Variants in KCNB2 observed in about 807,000 individuals in gnomAD.
The protein encoded by KCNB2 is delayed rectifier potassium channel protein.
A neutral mutation model predicts 61.5 loss-of-function variants in KCNB2; 15 were observed. That is an observed-to-expected ratio of 0.24 (90% confidence interval 0.16 to 0.38). KCNB2 has a LOEUF of 0.38. Among genes scored for constraint, KCNB2 ranks in the 10% least tolerant of loss-of-function variants. KCNB2 has a pLI of 1.00. For missense variants in KCNB2, 828 were observed against 1,125.2 expected (o/e 0.74, Z 3.78); for synonymous variants, 457 against 446.0 (o/e 1.02, Z -0.31).
intron 2 of KCNB2, among the ~76,000 whole-genome samples, chr8:72,762,766 C>G (rs954229550): frequency 6.6e-6 from 1 of 151,586 alleles, no homozygotes; most frequent in African/African-American, 2.4e-5. Context: ...TTCCAAGAAG[C>G]CTAAAGCTCA....
At chr8:72,762,687 A>G (rs1362546979) in intron 2 of KCNB2, among the ~76,000 whole-genome samples, 1 of 152,080 alleles carries the variant, frequency 6.6e-6, no homozygotes, top group African/African-American at 2.4e-5. Flanking sequence ...ATAATAATAT[A>G]TCAGGGAGCT....
intron 2 of KCNB2, among the ~76,000 whole-genome samples, chr8:72,830,294 G>A (rs1213099934): frequency 1.3e-5 from 2 of 149,146 alleles, no homozygotes; most frequent in Non-Finnish European, 3.0e-5. Context: ...GAGAGAAGGA[G>A]ACCTCAGCTT....
intron 1 of KCNB2, among the ~76,000 whole-genome samples, chr8:72,554,888 T>C (rs994991471): frequency 6.6e-6 from 1 of 152,082 alleles, no homozygotes; most frequent in African/African-American, 2.4e-5. Context: ...TAGTAGATGT[T>C]ATACATGTCA....
intron 2 of KCNB2, among the ~76,000 whole-genome samples, chr8:72,838,721 A>G (rs1196545803): frequency 6.6e-6 from 1 of 152,220 alleles, no homozygotes; most frequent in East Asian, 1.9e-4. Flanking sequence ...TGTAGTATAT[A>G]CAGGTCTATG....
intron 2 of KCNB2, among the ~76,000 whole-genome samples, chr8:72,727,866 A>C (rs1807679040): frequency 6.6e-6 from 1 of 152,226 alleles, no homozygotes; most frequent in Admixed American, 6.5e-5. Flanking sequence ...TTCTTTAGCT[A>C]TTTTAAAGCA....
At chr8:72,821,633 AAAAAAAAC>A (rs1563395077) in intron 2 of KCNB2, among the ~76,000 whole-genome samples, 7 of 88,194 alleles carry the variant, frequency 7.9e-5, no homozygotes, top group African/African-American at 2.1e-4. Flanking sequence ...CACACACACA[AAAAAAAAC>A]AAAAAAAAAA....
chr8:72,761,631 A>G (rs1239354363), intron 2 of KCNB2, among the ~76,000 whole-genome samples: 1 of 152,216 alleles, frequency 6.6e-6, no homozygotes, highest in Non-Finnish European at 1.5e-5. Flanking sequence ...GTCAATTGGA[A>G]TATGAGGTGG....
At chr8:72,810,423 G>C (rs925276568) in intron 2 of KCNB2, among the ~76,000 whole-genome samples, 1 of 152,228 alleles carries the variant, frequency 6.6e-6, no homozygotes, top group Non-Finnish European at 1.5e-5. Context: ...AGGCTCTGCT[G>C]TGGTGGAGGC....
rs139903243 is a variant in KCNB2, at chr8:72,786,781, T to C, written c.580-149154T>C. On this transcript the variant is annotated intron_variant, in intron 2 of 2. Transcript: ENST00000523207. The stretch of plus-strand genomic sequence containing the variant: ...GTCTATCTCAAAGTAAAAACAGTCT[T>C]TAAAGGCACTGTAATAAAAATGGGT... 7.4e-4 allele frequency among the ~76,000 whole-genome samples: 113 copies of C among 152,284 alleles called. 1 individual carries two copies. The highest frequency in any genetic ancestry group is 2.9e-3 in the Admixed American group (44 of 15,292).
intron 2 of KCNB2, among the ~76,000 whole-genome samples, chr8:72,822,290 A>G (rs923093017): frequency 6.6e-6 from 1 of 152,230 alleles, no homozygotes; most frequent in East Asian, 1.9e-4. Context: ...TCCCTTCTGG[A>G]AAGTTCCTAG....
At chr8:72,816,780 A>C (rs905384961) in intron 2 of KCNB2, among the ~76,000 whole-genome samples, 2 of 152,172 alleles carry the variant, frequency 1.3e-5, no homozygotes, top group Non-Finnish European at 2.9e-5. Flanking sequence ...ATTAAATGTT[A>C]ATTGCTCCTT....
chr8:72,772,634 T>C (rs1038550486), intron 2 of KCNB2, among the ~76,000 whole-genome samples: 4 of 152,222 alleles, frequency 2.6e-5, no homozygotes, highest in Non-Finnish European at 5.9e-5. Context: ...TTTCTGGTCA[T>C]GTTTGTCATT....
intron 1 of KCNB2, among the ~76,000 whole-genome samples, chr8:72,557,737 G>C (rs950490055): frequency 6.6e-6 from 1 of 152,126 alleles, no homozygotes. Context: ...TACCTGACAG[G>C]TGATCACCTG....
intron 2 of KCNB2, among the ~76,000 whole-genome samples, chr8:72,908,630 A>C (rs1027829247): frequency 2.6e-5 from 4 of 152,244 alleles, no homozygotes; most frequent in African/African-American, 9.6e-5. Flanking sequence ...AATTATAAAC[A>C]GCCTGGCTAA....
At chr8:72,786,916 C>G (rs1014274687) in intron 2 of KCNB2, among the ~76,000 whole-genome samples, 1 of 152,120 alleles carries the variant, frequency 6.6e-6, no homozygotes, top group Non-Finnish European at 1.5e-5. Flanking sequence ...TCAGGGATAT[C>G]AAATTTGATA....
chr8:72,882,210 G>T (rs1444671178), intron 2 of KCNB2, among the ~76,000 whole-genome samples: 1 of 152,138 alleles, frequency 6.6e-6, no homozygotes, highest in African/African-American at 2.4e-5. Flanking sequence ...GGTTTTTCGG[G>T]TGAAACAGTG....
intron 2 of KCNB2, among the ~76,000 whole-genome samples, chr8:72,893,120 A>G (rs1377721173): frequency 6.6e-6 from 1 of 151,628 alleles, no homozygotes; most frequent in Admixed American, 6.6e-5. Flanking sequence ...AAAAAACTAG[A>G]TGGCCATGGC....
At chr8:72,733,618 T>C (rs1309146698) in intron 2 of KCNB2, among the ~76,000 whole-genome samples, 2 of 152,150 alleles carry the variant, frequency 1.3e-5, no homozygotes, top group Admixed American at 6.5e-5. Flanking sequence ...CTGTAAAGCA[T>C]TCAGAATGGT....
At chr8:72,734,492 C>T (rs758683557) in intron 2 of KCNB2, among the ~76,000 whole-genome samples, 4 of 152,176 alleles carry the variant, frequency 2.6e-5, no homozygotes, top group Non-Finnish European at 5.9e-5. Flanking sequence ...AAAGAATTGT[C>T]TGAAATCTTC....
Sources: gnomAD v4.1 joint callset for allele counts (sites outside exome capture counted in the v4.1 genomes callset) on GRCh38, gnomAD v4.1.1 for gene constraint, MANE v1.5 for transcripts, NCBI Gene and HGNC (gene_info 2026-07-23, HGNC 2026-07-21) for gene names.